MYO1H: variants seen among roughly 807,000 people sequenced by gnomAD.
MYO1H encodes unconventional myosin-Ih.
Under a neutral mutation model 149.3 loss-of-function variants are expected in MYO1H, and 118 were observed. The ratio of observed to expected loss-of-function variants is 0.79; its 90% CI spans 0.68 to 0.92. The LOEUF is 0.92. Ranked by LOEUF, MYO1H falls within the 40% of genes least tolerant of loss-of-function variation. The pLI is 0.00. For synonymous variants in MYO1H, 447 were observed against 465.2 expected (o/e 0.96, Z 0.50); for missense variants, 1,212 against 1,280.7 (o/e 0.95, Z 0.82).
At chr12:109,347,707 G>A (rs371454703), upstream of MYO1H, among the ~76,000 whole-genome samples, 1 of 151,910 alleles carries the variant, frequency 6.6e-6, no homozygotes, top group South Asian at 2.1e-4. Flanking sequence ...TGTCTGTAAC[G>A]TAAACTCAAG....
chr12:109,445,924 T>C lies in MYO1H; in HGVS notation c.3093+312T>C, dbSNP rs1566046614. The stretch of plus-strand genomic sequence containing the variant: ...AAAGGCTTCACGCTTATTACAGTTA[T>C]CCATAACTATCCATAACTTCCCCCC... On this transcript the variant is annotated intron_variant, in intron 31 of 31. Transcript: ENST00000310903. The C allele has an allele frequency of 5.1e-6, 5 of 985,392 alleles. No homozygotes were observed. In the East Asian group the frequency reaches 4.5e-4, roughly 89 times the overall value. The allele number at this position is 985,392 out of a possible 1,614,324, so 61.0% of individuals were successfully genotyped here.
chr12:109,433,067 G>A (rs1871710164), intron 20 of MYO1H, 57 bp downstream of exon 20: 1 of 1,397,390 alleles, frequency 7.2e-7, no homozygotes, highest in East Asian at 2.3e-5. Flanking sequence ...AGGGTTTTGT[G>A]CATTGATCCG....
intron 15 of MYO1H, 26 bp from the exon 16 acceptor site, chr12:109,420,955 A>G (rs1466949623): frequency 7.2e-7 from 1 of 1,390,182 alleles, no homozygotes; most frequent in Non-Finnish European, 1.0e-6. Flanking sequence ...CATTGATTCA[A>G]AAAATTTTTC....
In MYO1H at chr12:109,415,528, G is replaced by A. The variant is rs750594130; in HGVS notation, c.1505G>A (p.Arg502His). 4.7e-5 allele frequency: 75 copies of A among 1,602,094 alleles called. 1 individual carries two copies. The Middle Eastern group carries it at 4.9e-4, about 11-fold the overall frequency. Residue 502 changes from arginine (R) to histidine (H), a missense_variant and splice_region_variant, in exon 15 of 32, where the codon CGT becomes CAT. Physicochemically the swap from Arg to His is conservative, Grantham distance 29. Coordinates refer to ENST00000310903, the Ensembl canonical transcript of MYO1H. ...TCGTGTCTATTTCTGTCTCGTAGCC[G>A]TAAGCTGGCTGGTCCAAAGGGCCGA... is the stretch of plus-strand genomic sequence containing the variant.
chr12:109,347,807 G>A (rs1032577267), upstream of MYO1H: 18 of 394,606 alleles, frequency 4.6e-5, no homozygotes, highest in Non-Finnish European at 5.8e-5. Context: ...GCCTCCCACC[G>A]TAAATTATTA....
intron 19 of MYO1H, 38 bp from the exon 20 acceptor site, chr12:109,432,859 T>C: frequency 6.4e-7 from 1 of 1,568,864 alleles, no homozygotes; most frequent in South Asian, 1.1e-5. Context: ...TAGAGGAAGG[T>C]ACGGTCACAG....
intron 3 of MYO1H, 136 bp downstream of exon 3, chr12:109,393,582 C>A: frequency 3.9e-6 from 1 of 253,976 alleles, no homozygotes. Flanking sequence ...CATCCGCCCA[C>A]CCATCCATTC....
intron 1 of MYO1H, among the ~76,000 whole-genome samples, chr12:109,375,987 A>G (rs1869080084): frequency 6.6e-6 from 1 of 152,176 alleles, no homozygotes; most frequent in Admixed American, 6.5e-5. Flanking sequence ...TCAATCAGTC[A>G]ATCAATGGAA....
chr12:109,405,932 G>T, exon 8 of MYO1H: 1 of 1,610,844 alleles, frequency 6.2e-7, no homozygotes, highest in Non-Finnish European at 8.5e-7. Context: ...AATCTCTTTG[G>T]AATTATTGCC....
At chr12:109,348,350 A>AT (rs201904623) in intron 1 of MYO1H, among the ~76,000 whole-genome samples, 2,896 of 152,306 alleles carry the variant, frequency 0.019, 45 homozygotes, top group Non-Finnish European at 0.029. Flanking sequence ...GGGGAACTGA[A>AT]TTGTAAATTT....
At chr12:109,410,747 T>C (rs1165072101) in exon 13 of MYO1H, 4 of 1,594,584 alleles carry the variant, frequency 2.5e-6, no homozygotes, top group Non-Finnish European at 8.6e-7. Flanking sequence ...AAGAGAGACA[T>C]AAAGGAATCA....
intron 30 of MYO1H, among the ~76,000 whole-genome samples, chr12:109,445,149 T>C (rs73194263): frequency 0.053 from 8,032 of 152,322 alleles, 299 homozygotes; most frequent in Middle Eastern, 0.088. Context: ...AGCACATTTG[T>C]AGGTGGAATA....
chr12:109,437,399 T>C (rs1477141971), intron 22 of MYO1H, among the ~76,000 whole-genome samples: 6 of 152,232 alleles, frequency 3.9e-5, no homozygotes, highest in Non-Finnish European at 5.9e-5. Flanking sequence ...CCAAATTGAT[T>C]TTGAAATTCA....
chr12:109,430,629 G>A (rs547636749), intron 19 of MYO1H, among the ~76,000 whole-genome samples: 4 of 152,268 alleles, frequency 2.6e-5, no homozygotes, highest in African/African-American at 4.8e-5. Context: ...TAAATTCCAG[G>A]AAAATAAAAA....
intron 9 of MYO1H, among the ~76,000 whole-genome samples, chr12:109,407,089 A>G (rs1870428970): frequency 6.6e-6 from 1 of 152,056 alleles, no homozygotes; most frequent in African/African-American, 2.4e-5. Context: ...TCTTCCCTCC[A>G]CAGGAGTCTT....
At chr12:109,345,869 CTG>C (rs1177677903), upstream of MYO1H, among the ~76,000 whole-genome samples, 1 of 152,118 alleles carries the variant, frequency 6.6e-6, no homozygotes, top group African/African-American at 2.4e-5. Context: ...TATTGTATGA[CTG>C]TGTTCATATG....
At chr12:109,394,920 C>G (rs951671533) in intron 3 of MYO1H, among the ~76,000 whole-genome samples, 6 of 152,202 alleles carry the variant, frequency 3.9e-5, no homozygotes, top group African/African-American at 1.2e-4. Context: ...ACACCACCAC[C>G]CTGGCTAATT....
chr12:109,323,205 C>T, the MYO1H span, among the ~76,000 whole-genome samples: 6 of 152,188 alleles, frequency 3.9e-5, no homozygotes, highest in East Asian at 1.9e-4. Flanking sequence ...AATTTGAGTA[C>T]AGAATACCTT....
intron 20 of MYO1H, among the ~76,000 whole-genome samples, chr12:109,433,561 GA>G (rs1871730544): frequency 6.6e-6 from 1 of 152,186 alleles, no homozygotes; most frequent in Non-Finnish European, 1.5e-5. Flanking sequence ...AGGTTGCAGG[GA>G]AAGGTGTCTC....
Sources: gnomAD v4.1 joint callset for allele counts (sites outside exome capture counted in the v4.1 genomes callset) on GRCh38, gnomAD v4.1.1 for gene constraint, MANE v1.5 for transcripts, NCBI Gene and HGNC (gene_info 2026-07-23, HGNC 2026-07-21) for gene names.